Variants in STK33 observed in about 807,000 individuals in gnomAD.
STK33 encodes serine/threonine-protein kinase 33.
Under a neutral mutation model 58.0 loss-of-function variants are expected in STK33, and 52 were observed. The ratio of observed to expected loss-of-function variants is 0.90; its 90% CI spans 0.72 to 1.13. STK33 has a LOEUF of 1.13. STK33 is among the 50% of genes most tolerant of loss of function. The pLI, the probability that STK33 is intolerant of heterozygous loss-of-function variation, is 0.00. For synonymous variants in STK33, 215 were observed against 200.1 expected (o/e 1.07, Z -0.63); for missense variants, 630 against 604.2 (o/e 1.04, Z -0.45).
the STK33 span, among the ~76,000 whole-genome samples, chr11:8,362,427 C>T: frequency 2.0e-5 from 3 of 152,180 alleles, no homozygotes; most frequent in Admixed American, 6.5e-5. Flanking sequence ...AATGCCCACA[C>T]ACGGCTCCCC....
At chr11:8,404,535 CTT>C (rs1428349321) in intron 15 of STK33, among the ~76,000 whole-genome samples, 2 of 152,130 alleles carry the variant, frequency 1.3e-5, no homozygotes, top group Admixed American at 6.5e-5. Context: ...ATTATGTACT[CTT>C]TTATATCTGA....
At chr11:8,505,349 A>G (rs1215216983) in intron 1 of STK33, among the ~76,000 whole-genome samples, 1 of 152,234 alleles carries the variant, frequency 6.6e-6, no homozygotes, top group East Asian at 1.9e-4. Flanking sequence ...CTTAGAAGGC[A>G]TGTATCGAAA....
chr11:8,376,170 AG>A, the STK33 span, among the ~76,000 whole-genome samples: 1 of 152,208 alleles, frequency 6.6e-6, no homozygotes, highest in African/African-American at 2.4e-5. Flanking sequence ...GACAGCCACC[AG>A]GGCAAGGCTC....
the STK33 span, among the ~76,000 whole-genome samples, chr11:8,364,933 C>CCG: frequency 2.6e-5 from 4 of 151,586 alleles, no homozygotes; most frequent in African/African-American, 9.7e-5. Flanking sequence ...CATGTGACCC[C>CCG]CCCCGCCCCG....
At chr11:8,523,135 C>T (rs1591615457) in intron 1 of STK33, among the ~76,000 whole-genome samples, 1 of 152,220 alleles carries the variant, frequency 6.6e-6, no homozygotes, top group Admixed American at 6.5e-5. Context: ...GTGATCTCGG[C>T]TGGCTACAAC....
intron 11 of STK33, among the ~76,000 whole-genome samples, chr11:8,443,444 G>T (rs996685809): frequency 2.0e-5 from 3 of 152,000 alleles, no homozygotes; most frequent in African/African-American, 7.2e-5. Context: ...AAACCAAAAG[G>T]CTAGGACAAC....
intron 9 of STK33, 139 bp from the exon 10 acceptor site, chr11:8,454,971 T>G (rs1023537743): frequency 5.0e-5 from 43 of 862,188 alleles, no homozygotes; most frequent in Non-Finnish European, 6.3e-5. Context: ...TCCTGTTCTA[T>G]TCTCTCATTT....
At chr11:8,529,495 A>AT (rs1227639579) in intron 1 of STK33, among the ~76,000 whole-genome samples, 1 of 152,162 alleles carries the variant, frequency 6.6e-6, no homozygotes, top group African/African-American at 2.4e-5. Flanking sequence ...TCTGGTAGAC[A>AT]TAATAATGCC....
chr11:8,570,881 A>C (rs1957763701), intron 1 of STK33, among the ~76,000 whole-genome samples: 1 of 152,200 alleles, frequency 6.6e-6, no homozygotes, highest in African/African-American at 2.4e-5. Context: ...TCTCAGTAAA[A>C]GCTGTTACAC....
chr11:8,526,125 A>G (rs1439517631), intron 1 of STK33, among the ~76,000 whole-genome samples: 1 of 152,152 alleles, frequency 6.6e-6, no homozygotes, highest in Non-Finnish European at 1.5e-5. Context: ...TAGGCCAGGC[A>G]TGGTGGCTCA....
intron 14 of STK33, among the ~76,000 whole-genome samples, chr11:8,431,999 G>T (rs1943477969): frequency 6.6e-6 from 1 of 152,106 alleles, no homozygotes; most frequent in African/African-American, 2.4e-5. Flanking sequence ...TACATAGGTT[G>T]TTTTCCTTAC....
intron 1 of STK33, among the ~76,000 whole-genome samples, chr11:8,488,634 C>T (rs1267282083): frequency 6.6e-6 from 1 of 152,044 alleles, no homozygotes; most frequent in African/African-American, 2.4e-5. Flanking sequence ...CAAGTAGACA[C>T]TTCAATGGTC....
intron 1 of STK33, among the ~76,000 whole-genome samples, chr11:8,495,482 G>A (rs867455641): frequency 2.0e-5 from 3 of 152,142 alleles, no homozygotes; most frequent in Admixed American, 6.6e-5. Context: ...AAACAGGAAC[G>A]CTGTTACACT....
chr11:8,592,775 T>C lies in STK33; in HGVS notation c.-466+1308A>G, dbSNP rs1203927517. 3.9e-5 allele frequency among the ~76,000 whole-genome samples: 6 copies of C among 152,272 alleles called. No homozygotes were observed. In the East Asian group the frequency reaches 7.7e-4, roughly 20 times the overall value. On this transcript the variant is annotated intron_variant, in intron 1 of 15. Coordinates refer to ENST00000687296, the MANE Select transcript of STK33 (RefSeq NM_001352389.2). The stretch of plus-strand genomic sequence containing the variant: ...CACATTAAGAGTTTTGTCTTTATTC[T>C]AAGAATAATGAGAAGCCATGATGGA...
chr11:8,444,538 A>C (rs568159547), intron 11 of STK33, among the ~76,000 whole-genome samples: 1 of 152,274 alleles, frequency 6.6e-6, no homozygotes, highest in Non-Finnish European at 1.5e-5. Context: ...GAGTGACATA[A>C]TTCCTATTAT....
the STK33 span, among the ~76,000 whole-genome samples, chr11:8,352,021 C>A: frequency 5.3e-5 from 8 of 152,342 alleles, no homozygotes; most frequent in East Asian, 1.5e-3. Flanking sequence ...TGGCCTCTGT[C>A]CCATCACCTT....
chr11:8,460,894 C>T (rs1049015221), intron 8 of STK33, among the ~76,000 whole-genome samples: 1 of 152,040 alleles, frequency 6.6e-6, no homozygotes, highest in African/African-American at 2.4e-5. Context: ...TATCAAGCAC[C>T]CCTAATGAAT....
At chr11:8,361,770 G>A in the STK33 span, among the ~76,000 whole-genome samples, 14 of 152,370 alleles carry the variant, frequency 9.2e-5, no homozygotes, top group African/African-American at 3.4e-4. The surrounding 1 kb of genome is among the most constrained non-coding windows in gnomAD (Gnocchi z 4.8). Context: ...CAGGATGGCA[G>A]GATCCCTGGC....
At chr11:8,367,838 T>C in the STK33 span, among the ~76,000 whole-genome samples, 4 of 152,000 alleles carry the variant, frequency 2.6e-5, no homozygotes, top group South Asian at 4.1e-4. Context: ...GATATGCACA[T>C]TGAACATGCA....
Sources: gnomAD v4.1 joint callset for allele counts (sites outside exome capture counted in the v4.1 genomes callset) on GRCh38, gnomAD v4.1.1 for gene constraint, Gnocchi (gnomAD v3.1) non-coding constraint, MANE v1.5 for transcripts, NCBI Gene and HGNC (gene_info 2026-07-23, HGNC 2026-07-21) for gene names.